Variants in CSMD1 observed in about 807,000 individuals in gnomAD.
CSMD1 encodes CUB and sushi domain-containing protein 1.
CSMD1 carries 213 observed loss-of-function variants against 417.5 expected under a neutral mutation model. The observed-to-expected ratio is 0.51, with a 90% confidence interval of 0.46 to 0.57. CSMD1 has a LOEUF of 0.57. CSMD1 is among the 20% of genes least tolerant of loss of function. The pLI, the probability that CSMD1 is intolerant of heterozygous loss-of-function variation, is 0.00. For missense variants in CSMD1, 6,923 were observed against 4,529.7 expected, an observed-to-expected ratio of 1.53 and a Z score of -15.17; for synonymous variants, 2,862 against 1,736.8, an observed-to-expected ratio of 1.65 and a Z score of -16.11.
At chr8:4,574,114 C>T (rs1381717527) in intron 2 of CSMD1, among the ~76,000 whole-genome samples, 1 of 152,042 alleles carries the variant, frequency 6.6e-6, no homozygotes, top group Non-Finnish European at 1.5e-5. Context: ...CTTCAGCCCC[C>T]TTTCCAGGGG....
chr8:4,273,420 C>G (rs1321912326), intron 3 of CSMD1, among the ~76,000 whole-genome samples: 3 of 152,056 alleles, frequency 2.0e-5, no homozygotes, highest in East Asian at 1.9e-4. Flanking sequence ...CTGCTCAGGT[C>G]AATTATACTT....
At chr8:4,028,687 T>C (rs1442399302) in intron 4 of CSMD1, among the ~76,000 whole-genome samples, 1 of 152,190 alleles carries the variant, frequency 6.6e-6, no homozygotes, top group Non-Finnish European at 1.5e-5. Flanking sequence ...CTGGAACCTT[T>C]TGCAAATTAA....
rs1815177420 is a variant in CSMD1, at chr8:3,444,467, G to A, written c.1561+24245C>T. 2.0e-5 allele frequency among the ~76,000 whole-genome samples: 3 copies of A among 152,282 alleles called. No homozygotes were observed. The South Asian group carries it at 6.2e-4, about 32-fold the overall frequency. ...TAAAAGAAATTACTGTAGAGCAGTAGTGCTCAACCAGTAGAACTTTTGCTA... is the reference window on the plus strand; with the variant it reads ...TAAAAGAAATTACTGTAGAGCAGTAATGCTCAACCAGTAGAACTTTTGCTA... On this transcript the variant is annotated intron_variant, in intron 12 of 69. Coordinates refer to ENST00000635120, the MANE Select transcript of CSMD1 (RefSeq NM_033225.6).
intron 5 of CSMD1, among the ~76,000 whole-genome samples, chr8:3,887,563 T>C (rs978143079): frequency 6.6e-6 from 1 of 152,218 alleles, no homozygotes; most frequent in Non-Finnish European, 1.5e-5. Context: ...TAAATTAGAA[T>C]TCCTGTAGAG....
chr8:3,199,265 T>C (rs1796864525), intron 33 of CSMD1, among the ~76,000 whole-genome samples: 1 of 152,214 alleles, frequency 6.6e-6, no homozygotes, highest in South Asian at 2.1e-4. Flanking sequence ...TGATATTTTG[T>C]TTTTTGTTTT....
intron 5 of CSMD1, among the ~76,000 whole-genome samples, chr8:3,826,966 G>A (rs980156023): frequency 6.6e-6 from 1 of 151,898 alleles, no homozygotes; most frequent in African/African-American, 2.4e-5. Context: ...ATAATTTATA[G>A]AGACAGAGTG....
chr8:4,492,843 T>C (rs1801776205), intron 2 of CSMD1, among the ~76,000 whole-genome samples: 1 of 152,222 alleles, frequency 6.6e-6, no homozygotes, highest in South Asian at 2.1e-4. Context: ...TTCTCATGCA[T>C]ACTTTGTTAT....
chr8:4,164,570 A>G (rs1797347865), intron 3 of CSMD1, among the ~76,000 whole-genome samples: 1 of 152,118 alleles, frequency 6.6e-6, no homozygotes, highest in African/African-American at 2.4e-5. Context: ...CCCGCCCAAA[A>G]TCTTCTTGAA....
intron 3 of CSMD1, among the ~76,000 whole-genome samples, chr8:4,269,415 C>G (rs934297866): frequency 6.6e-6 from 1 of 152,076 alleles, no homozygotes; most frequent in African/African-American, 2.4e-5. Context: ...GGCTGTGTAG[C>G]TTTTGATATT....
intron 2 of CSMD1, 140 bp from the exon 3 acceptor site, chr8:4,420,205 A>G (rs1002955138): frequency 1.9e-6 from 1 of 524,298 alleles, no homozygotes; most frequent in Non-Finnish European, 3.5e-6. Context: ...TAATCCATAC[A>G]CATAGCTTTG....
rs192974018 is a variant in CSMD1, at chr8:3,461,931, G to A, written c.1561+6781C>T. ...CTAGCCCAGCTGAGAGGCCAGCTAA[G>A]GAGGCAGATCCTCACATGGGCCGGA... is the stretch of plus-strand genomic sequence containing the variant. On this transcript the variant is annotated intron_variant, in intron 12 of 69. Transcript: ENST00000635120. Among the ~76,000 whole-genome samples the A allele has an allele frequency of 2.4e-3, 362 of 152,362 alleles. 2 individuals are homozygous for A. Among genetic ancestry groups the A allele is most frequent in the Non-Finnish European group, 3.3e-3 (224 of 68,038 alleles).
At chr8:3,957,515 A>C (rs1449017445) in intron 5 of CSMD1, among the ~76,000 whole-genome samples, 1 of 152,062 alleles carries the variant, frequency 6.6e-6, no homozygotes, top group Non-Finnish European at 1.5e-5. Context: ...TTCTCTATAA[A>C]AAATAAAATT....
chr8:3,795,285 ATATCATGTACAGATATATATATC>A lies in CSMD1; in HGVS notation c.819-41266_819-41244del, dbSNP rs1387392602. Among the ~76,000 whole-genome samples, 3 of 24,786 alleles carry A rather than the reference ATATCATGTACAGATATATATATC, an allele frequency of 1.2e-4. 1 individual carries two copies. Among genetic ancestry groups the A allele is most frequent in the Non-Finnish European group, 3.2e-4 (3 of 9,268 alleles). 16.3% of individuals were successfully genotyped at this position (24,786 alleles called of 152,430 possible). On this transcript the variant is annotated intron_variant, in intron 5 of 69. Coordinates refer to ENST00000635120, the MANE Select transcript of CSMD1 (RefSeq NM_033225.6). ...ATATATCTATCATGTACAGATATATATATCATGTACAGATATATATATCTATCATGTACAGATATAGATATCTA... is the reference window on the plus strand; with the variant it reads ...ATATATCTATCATGTACAGATATATATATCATGTACAGATATAGATATCTA...
At chr8:3,412,767 G>T (rs1388157471) in intron 12 of CSMD1, among the ~76,000 whole-genome samples, 1 of 152,222 alleles carries the variant, frequency 6.6e-6, no homozygotes, top group Non-Finnish European at 1.5e-5. Context: ...ATAGTTCTTG[G>T]AGTTTAGGTT....
At chr8:4,592,920 T>G (rs1213963904) in intron 2 of CSMD1, among the ~76,000 whole-genome samples, 2 of 152,202 alleles carry the variant, frequency 1.3e-5, no homozygotes, top group Admixed American at 1.3e-4. Context: ...AAGTTTCGAA[T>G]CAGCATTTAT....
chr8:4,188,598 C>G (rs1584986751), intron 3 of CSMD1, among the ~76,000 whole-genome samples: 2 of 152,102 alleles, frequency 1.3e-5, no homozygotes, highest in South Asian at 4.1e-4. Context: ...CAGTTCACTG[C>G]AAGCTTAAGA....
intron 1 of CSMD1, among the ~76,000 whole-genome samples, chr8:4,776,785 A>G (rs1168557009): frequency 6.6e-6 from 1 of 151,876 alleles, no homozygotes; most frequent in Non-Finnish European, 1.5e-5. Flanking sequence ...AATACAAGGA[A>G]TATTATATTA....
chr8:2,938,805 G>A (rs1271644815), intron 69 of CSMD1, 61 bp from the exon 70 acceptor site: 3 of 1,466,608 alleles, frequency 2.0e-6, no homozygotes, highest in Non-Finnish European at 2.8e-6. Context: ...TTAGCAGCTG[G>A]GACTGTGTGC....
chr8:3,883,749 C>G (rs1806368740), intron 5 of CSMD1, among the ~76,000 whole-genome samples: 1 of 151,840 alleles, frequency 6.6e-6, no homozygotes, highest in Non-Finnish European at 1.5e-5. Context: ...ACAACTGAAA[C>G]CAGTCATCTT....
Sources: allele counts gnomAD v4.1 joint callset (sites outside exome capture counted in the v4.1 genomes callset), GRCh38; gene constraint gnomAD v4.1.1; transcripts MANE v1.5; gene names NCBI Gene and HGNC (gene_info 2026-07-23, HGNC 2026-07-21).